The following TENM2 variants were observed in gnomAD, a reference collection of about 807,000 sequenced individuals.
TENM2 encodes teneurin-2.
In TENM2, 52 loss-of-function variants were observed where a neutral mutation model predicts 245.2. That is an observed-to-expected ratio of 0.21 (90% CI 0.17 to 0.27). TENM2 has a LOEUF of 0.27. Among genes scored for constraint, TENM2 ranks in the 10% least tolerant of loss-of-function variants. The pLI is 1.00. For missense variants in TENM2, 3,046 were observed against 3,666.8 expected (o/e 0.83, Z 4.37); for synonymous variants, 1,363 against 1,438.9 (o/e 0.95, Z 1.19).
chr5:167,336,524 C>T (rs1011341020), intron 1 of TENM2, among the ~76,000 whole-genome samples: 15 of 151,682 alleles, frequency 9.9e-5, no homozygotes, highest in Non-Finnish European at 2.1e-4. Context: ...ATAAAAATCA[C>T]ATGTCAGAAG....
At chr5:167,747,115 A>T (rs1225094076) in intron 2 of TENM2, among the ~76,000 whole-genome samples, 2 of 152,190 alleles carry the variant, frequency 1.3e-5, no homozygotes, top group African/African-American at 4.8e-5. Flanking sequence ...TCAGGAGCAG[A>T]AGGTGATGAG....
intron 27 of TENM2, among the ~76,000 whole-genome samples, chr5:168,253,891 G>A (rs1767395293): frequency 6.6e-6 from 1 of 152,214 alleles, no homozygotes; most frequent in Non-Finnish European, 1.5e-5. Flanking sequence ...CTTTAGCAAA[G>A]CCCCAGATAA....
At chr5:167,863,585 A>G (rs1478396841) in intron 2 of TENM2, among the ~76,000 whole-genome samples, 1 of 152,180 alleles carries the variant, frequency 6.6e-6, no homozygotes, top group Non-Finnish European at 1.5e-5. Context: ...TGGAGGTTGC[A>G]GTGAGCTGAG....
intron 9 of TENM2, among the ~76,000 whole-genome samples, chr5:168,101,020 C>T (rs1014212818): frequency 4.0e-5 from 6 of 151,884 alleles, no homozygotes; most frequent in Non-Finnish European, 7.4e-5. Flanking sequence ...CTGTGCCAGG[C>T]TTAGTGCACT....
At chr5:167,945,839 G>T (rs149789220) in intron 3 of TENM2, among the ~76,000 whole-genome samples, 12 of 152,172 alleles carry the variant, frequency 7.9e-5, no homozygotes, top group Admixed American at 6.5e-5. Context: ...CCTGATACAG[G>T]CCTGTGCAAC....
At chr5:167,732,159 A>G (rs561335571) in intron 2 of TENM2, among the ~76,000 whole-genome samples, 2 of 152,312 alleles carry the variant, frequency 1.3e-5, no homozygotes, top group East Asian at 3.9e-4. Context: ...TTTGAATTCC[A>G]ATTAGGTGAG....
rs151240684 is a variant in TENM2 at position 167,942,555 on chromosome 5, G to A, written c.713-10033G>A. ...ACACCGGGACCCAGTGATTCTTATG[G>A]CAATGCCTCTTCCTCCCACTGCAAA... is the stretch of plus-strand genomic sequence containing the variant. On this transcript the variant is annotated intron_variant, in intron 3 of 28. Coordinates refer to ENST00000518659, the Ensembl canonical transcript of TENM2. 4.4e-4 allele frequency among the ~76,000 whole-genome samples: 67 copies of A among 152,148 alleles called. No homozygotes were observed. The East Asian group carries it at 0.012, about 28-fold the overall frequency.
intron 1 of TENM2, among the ~76,000 whole-genome samples, chr5:167,362,183 A>T (rs1362647361): frequency 6.6e-6 from 1 of 152,154 alleles, no homozygotes; most frequent in Non-Finnish European, 1.5e-5. Flanking sequence ...AAAACTCTTG[A>T]CTCAGTTTCA....
intron 2 of TENM2, among the ~76,000 whole-genome samples, chr5:167,503,788 G>A (rs1562008517): frequency 2.0e-5 from 3 of 152,156 alleles, no homozygotes; most frequent in Admixed American, 6.6e-5. Context: ...AAGCTATTTG[G>A]AAGGCTGAAG....
chr5:168,126,928 A>G (rs1229070979), exon 12 of TENM2: 7 of 1,608,706 alleles, frequency 4.4e-6, no homozygotes, highest in African/African-American at 1.3e-5. Context: ...AATGGTGAAC[A>G]CTGCACCATT....
chr5:167,509,595 A>T (rs1242091718), intron 2 of TENM2, among the ~76,000 whole-genome samples: 1 of 152,168 alleles, frequency 6.6e-6, no homozygotes, highest in East Asian at 1.9e-4. Context: ...CAGGAATCTA[A>T]TAATTTGAGG....
rs60756285 is a variant in TENM2, at chr5:167,449,509, C to CAGAT, written c.502+74094_502+74097dup. On this transcript the variant is annotated intron_variant, in intron 2 of 28. Transcript: ENST00000518659. ...AGAGTGTGCATACCCTAAAGATATG[C>CAGAT]AGATAGATAGATAGATAGATAGATA... 2.7e-3 allele frequency among the ~76,000 whole-genome samples: 387 copies of CAGAT among 144,056 alleles called. 2 individuals carry two copies. Among genetic ancestry groups the CAGAT allele is most frequent in the East Asian group, 4.1e-3 (19 of 4,612 alleles). 94.5% of individuals were successfully genotyped at this position (144,056 alleles called of 152,430 possible). A position where few individuals can be genotyped will look rare whatever the true frequency, so the allele number is the denominator to read the frequency against.
At chr5:167,713,006 G>T (rs1759009494) in intron 2 of TENM2, among the ~76,000 whole-genome samples, 1 of 152,022 alleles carries the variant, frequency 6.6e-6, no homozygotes, top group African/African-American at 2.4e-5. Flanking sequence ...CTGCCTGGTG[G>T]GCTCACAGTT....
chr5:168,047,200 G>A (rs975948120), intron 5 of TENM2, among the ~76,000 whole-genome samples: 3 of 152,032 alleles, frequency 2.0e-5, no homozygotes, highest in African/African-American at 7.3e-5. Flanking sequence ...CTCACTGTAA[G>A]GGATCCTCTC....
chr5:167,755,925 A>G (rs1762280966), intron 2 of TENM2, among the ~76,000 whole-genome samples: 1 of 151,898 alleles, frequency 6.6e-6, no homozygotes, highest in South Asian at 2.1e-4. Flanking sequence ...AGTGGTAATA[A>G]CCCCTCACTT....
intron 23 of TENM2, among the ~76,000 whole-genome samples, chr5:168,225,669 G>A (rs1316227834): frequency 6.6e-6 from 1 of 151,538 alleles, no homozygotes; most frequent in African/African-American, 2.4e-5. Context: ...GCTGAGGCAG[G>A]AGAATTGCTT....
chr5:167,578,557 G>C (rs1561569490), intron 2 of TENM2, among the ~76,000 whole-genome samples: 1 of 152,136 alleles, frequency 6.6e-6, no homozygotes, highest in Non-Finnish European at 1.5e-5. Flanking sequence ...TCAGACCCGT[G>C]GTTTAGAAGG....
the TENM2 span, among the ~76,000 whole-genome samples, chr5:167,254,079 A>G: frequency 1.3e-5 from 2 of 151,966 alleles, no homozygotes; most frequent in Non-Finnish European, 2.9e-5. Context: ...TATAGGAAAA[A>G]GAAAAGGCAT....
At chr5:167,426,094 C>A (rs901287662) in intron 2 of TENM2, among the ~76,000 whole-genome samples, 1 of 152,144 alleles carries the variant, frequency 6.6e-6, no homozygotes, top group Admixed American at 6.5e-5. Context: ...AGAACCCGGA[C>A]TCCCTTGGAT....
Sources: gnomAD v4.1 joint callset for allele counts (sites outside exome capture counted in the v4.1 genomes callset) on GRCh38, gnomAD v4.1.1 for gene constraint, MANE v1.5 for transcripts, NCBI Gene and HGNC (gene_info 2026-07-23, HGNC 2026-07-21) for gene names.